Variants in MGST1 observed in about 807,000 individuals in gnomAD.
MGST1 encodes the protein glutathione S-transferase 12.
In MGST1, 5 loss-of-function variants were observed where a neutral mutation model predicts 8.9. The observed-to-expected ratio is 0.56, with a 90% CI of 0.29 to 1.19. MGST1 has a LOEUF of 1.19. MGST1 is among the 50% of genes most tolerant of loss of function. MGST1 has a pLI of 0.08. For synonymous variants in MGST1, 54 were observed against 67.8 expected (o/e 0.80, Z 1.00); for missense variants, 182 against 187.4 (o/e 0.97, Z 0.17).
chr12:16,399,677 T>C, intron 1 of MGST1: 1 of 1,488,582 alleles, frequency 6.7e-7, no homozygotes, highest in Non-Finnish European at 9.4e-7. Flanking sequence ...AGACACCTTG[T>C]TCGAAAAAGC....
rs1372370285 is a variant in MGST1, at chr12:16,544,756, G to T, written n.483-44772G>T. Among the ~76,000 whole-genome samples the T allele has an allele frequency of 6.6e-6, 1 of 152,008 alleles. No individual in the cohort carries two copies. Among genetic ancestry groups the T allele is most frequent in the Non-Finnish European group, 1.5e-5 (1 of 67,926 alleles). ...ACTATTCTAGTCAATTTGGGAAAAA[G>T]CACTGGGTTATGAAAAATTATAACC... On this transcript the variant is annotated intron_variant and non_coding_transcript_variant, in intron 4 of 4. Coordinates refer to the MGST1 transcript ENST00000538857. The surrounding 1 kb of genome is among the most constrained non-coding windows in gnomAD (Gnocchi z 4.8).
rs1329285513 is a variant in MGST1 at position 16,559,670 on chromosome 12, G to T, written n.483-29858G>T. Among the ~76,000 whole-genome samples the T allele has an allele frequency of 6.6e-6, 1 of 152,132 alleles. No homozygotes were observed. Among genetic ancestry groups the T allele is most frequent in the Non-Finnish European group, 1.5e-5 (1 of 68,028 alleles). Reference sequence around the variant, plus strand: ...AAATTTAAGGTAAACAGCTAGATTGGGTGGGGGTGGTGGCTCATGCCTATA... The same window carrying T: ...AAATTTAAGGTAAACAGCTAGATTGTGTGGGGGTGGTGGCTCATGCCTATA... On this transcript the variant is annotated intron_variant and non_coding_transcript_variant, in intron 4 of 4. Coordinates refer to the MGST1 transcript ENST00000538857. The surrounding 1 kb of genome is among the most constrained non-coding windows in gnomAD (Gnocchi z 4.1).
At chr12:16,435,673 C>G (rs1940979149) in intron 1 of MGST1, among the ~76,000 whole-genome samples, 1 of 151,832 alleles carries the variant, frequency 6.6e-6, no homozygotes, top group South Asian at 2.1e-4. Context: ...GATGTGTAAT[C>G]AAATCACAGC....
intron 3 of MGST1, 122 bp downstream of exon 3, chr12:16,357,821 A>G (rs918405543): frequency 4.4e-6 from 3 of 679,368 alleles, no homozygotes; most frequent in Admixed American, 3.1e-5. Flanking sequence ...CCTACTCCAC[A>G]TGACAATTAC....
chr12:16,502,411 T>G (rs965928053), intron 4 of MGST1, among the ~76,000 whole-genome samples: 3 of 152,180 alleles, frequency 2.0e-5, no homozygotes, highest in African/African-American at 7.2e-5. Context: ...CTCAAAGATT[T>G]TTTCTGATGA....
At chr12:16,440,520 T>C (rs889210643), downstream of MGST1, among the ~76,000 whole-genome samples, 7 of 151,824 alleles carry the variant, frequency 4.6e-5, no homozygotes, top group African/African-American at 1.7e-4. Flanking sequence ...TTACTGTTTT[T>C]TGTCTAACTC....
chr12:16,461,810 C>T (rs190750485), intron 4 of MGST1, among the ~76,000 whole-genome samples: 2 of 152,250 alleles, frequency 1.3e-5, no homozygotes, highest in Admixed American at 6.5e-5. Flanking sequence ...CTGGGTATGA[C>T]CTTAAAGACA....
At chr12:16,525,036 AT>A (rs34390858) in intron 4 of MGST1, among the ~76,000 whole-genome samples, 141,182 of 150,956 alleles carry the variant, frequency 0.94, 66,118 homozygotes, top group East Asian at 0.99. Flanking sequence ...CATGGAACCC[AT>A]TTTTTTTTTT....
rs78506797 is a variant in MGST1 at position 16,546,463 on chromosome 12, A to C, written n.483-43065A>C. ...GAATTCCAATTCACTTTTGAATGTAATGATCTGAACCAAACACAAAACCTA... is the reference window on the plus strand; with the variant it reads ...GAATTCCAATTCACTTTTGAATGTACTGATCTGAACCAAACACAAAACCTA... On this transcript the variant is annotated intron_variant and non_coding_transcript_variant, in intron 4 of 4. Coordinates refer to the MGST1 transcript ENST00000538857. This position sits in a 1 kb window ranked among gnomAD's most constrained non-coding sequence, Gnocchi z 4.7. 0.064 allele frequency among the ~76,000 whole-genome samples: 9,674 copies of C among 152,192 alleles called. 801 individuals are homozygous for C. Among genetic ancestry groups the C allele is most frequent in the African/African-American group, 0.19 (7,881 of 41,494 alleles).
rs1220137147 is a variant in MGST1 at position 16,517,448 on chromosome 12, G to C, written n.483-72080G>C. ...TGCCTCCTGCCTTCTGACACAGCAA[G>C]AAGGCCTGTACTAGATGAGGATCCT... is the stretch of plus-strand genomic sequence containing the variant. On this transcript the variant is annotated intron_variant and non_coding_transcript_variant, in intron 4 of 4. Coordinates refer to the MGST1 transcript ENST00000538857. The surrounding 1 kb of genome is among the most constrained non-coding windows in gnomAD (Gnocchi z 4.2). Among the ~76,000 whole-genome samples the C allele has an allele frequency of 6.6e-6, 1 of 152,150 alleles. No homozygotes were observed. The highest frequency in any genetic ancestry group is 6.5e-5 in the Admixed American group (1 of 15,272).
At chr12:16,505,249 A>G (rs1042952145) in intron 4 of MGST1, among the ~76,000 whole-genome samples, 1 of 151,896 alleles carries the variant, frequency 6.6e-6, no homozygotes, top group Non-Finnish European at 1.5e-5. Flanking sequence ...CCACAAGAAT[A>G]AAAAAAATGC....
At chr12:16,399,104 G>A (rs985172416) in intron 1 of MGST1, among the ~76,000 whole-genome samples, 3 of 152,132 alleles carry the variant, frequency 2.0e-5, no homozygotes, top group African/African-American at 7.2e-5. Context: ...GTGTCCTGGT[G>A]GGCCTGGAAT....
chr12:16,569,400 A>G (rs1395952086), intron 4 of MGST1, among the ~76,000 whole-genome samples: 5 of 152,168 alleles, frequency 3.3e-5, no homozygotes, highest in Non-Finnish European at 5.9e-5. Context: ...TAGAATCATC[A>G]TGTCTCTTTC....
intron 4 of MGST1, among the ~76,000 whole-genome samples, chr12:16,457,452 G>A (rs1252652900): frequency 6.6e-6 from 1 of 151,954 alleles, no homozygotes; most frequent in Non-Finnish European, 1.5e-5. Context: ...TAGGAATGAT[G>A]AATGGTAAAG....
intron 4 of MGST1, among the ~76,000 whole-genome samples, chr12:16,447,566 G>C (rs1278760250): frequency 2.0e-5 from 3 of 151,920 alleles, no homozygotes; most frequent in African/African-American, 7.2e-5. Flanking sequence ...GGGTGAATAG[G>C]TGCATCTGAC....
chr12:16,394,230 T>C (rs1260036030), intron 1 of MGST1, among the ~76,000 whole-genome samples: 1 of 152,186 alleles, frequency 6.6e-6, no homozygotes, highest in East Asian at 1.9e-4. Context: ...TAGTATCCCA[T>C]TGTAGTTTTA....
intron 4 of MGST1, among the ~76,000 whole-genome samples, chr12:16,514,752 T>C (rs982542000): frequency 2.0e-5 from 3 of 152,084 alleles, no homozygotes; most frequent in African/African-American, 7.2e-5. Context: ...TGAGAGAGGG[T>C]GGATGGTAGT....
At chr12:16,501,080 T>G (rs1372238474) in intron 4 of MGST1, among the ~76,000 whole-genome samples, 1 of 135,874 alleles carries the variant, frequency 7.4e-6, no homozygotes, top group Non-Finnish European at 1.5e-5. Context: ...GCCAGCCTGG[T>G]GACAGGGACT....
At chr12:16,521,044 A>G (rs922552570) in intron 4 of MGST1, among the ~76,000 whole-genome samples, 10 of 151,964 alleles carry the variant, frequency 6.6e-5, no homozygotes, top group African/African-American at 2.4e-4. Flanking sequence ...ATAGTACACC[A>G]CCCAATATAT....
Sources: gnomAD v4.1 joint callset for allele counts (sites outside exome capture counted in the v4.1 genomes callset) on GRCh38, gnomAD v4.1.1 for gene constraint, Gnocchi (gnomAD v3.1) non-coding constraint, MANE v1.5 for transcripts, NCBI Gene and HGNC (gene_info 2026-07-23, HGNC 2026-07-21) for gene names.